The following TSPAN9 variants were observed in gnomAD, a reference collection of about 807,000 sequenced individuals.
TSPAN9 encodes the protein tetraspanin 9, also known as tetraspanin-9.
A neutral mutation model predicts 31.0 loss-of-function variants in TSPAN9; 16 were observed. The ratio of observed to expected loss-of-function variants is 0.52; its 90% CI spans 0.35 to 0.78. TSPAN9 has a LOEUF of 0.78. Ranked by LOEUF, TSPAN9 falls within the 30% of genes least tolerant of loss-of-function variation. The probability of loss-of-function intolerance (pLI) is 0.01; values close to 1 mark genes in which losing one functional copy is unlikely to be tolerated. For synonymous variants in TSPAN9, 145 were observed against 121.6 expected (o/e 1.19, Z -1.27); for missense variants, 272 against 312.5 (o/e 0.87, Z 0.98).
At chr12:3,243,548 G>T (rs545585506) in intron 3 of TSPAN9, among the ~76,000 whole-genome samples, 25 of 152,304 alleles carry the variant, frequency 1.6e-4, no homozygotes, top group African/African-American at 5.8e-4. Context: ...AGGAGATAGG[G>T]CTGTTGGCTA....
At chr12:3,188,459 C>T (rs1004859109) in intron 2 of TSPAN9, among the ~76,000 whole-genome samples, 6 of 152,072 alleles carry the variant, frequency 3.9e-5, no homozygotes, top group South Asian at 2.1e-4. Flanking sequence ...GTCAGGTACC[C>T]GGGCCTGGGT....
intron 2 of TSPAN9, among the ~76,000 whole-genome samples, chr12:3,181,803 C>T (rs1049450153): frequency 6.6e-6 from 1 of 152,164 alleles, no homozygotes; most frequent in Admixed American, 6.5e-5. Context: ...CTTCATCAGT[C>T]TTTTCTCCAG....
At chr12:3,136,239 G>C (rs2098332071) in intron 2 of TSPAN9, among the ~76,000 whole-genome samples, 1 of 152,228 alleles carries the variant, frequency 6.6e-6, no homozygotes, top group East Asian at 1.9e-4. Context: ...TCCTCTTTGA[G>C]GGGCAGCCCT....
chr12:3,223,788 C>G (rs1219691709), intron 3 of TSPAN9, among the ~76,000 whole-genome samples: 1 of 152,212 alleles, frequency 6.6e-6, no homozygotes, highest in Admixed American at 6.5e-5. Flanking sequence ...GCGGCGGCAG[C>G]TTGTTAGGAG....
At chr12:3,262,077 T>C (rs1862460366) in intron 3 of TSPAN9, among the ~76,000 whole-genome samples, 1 of 152,246 alleles carries the variant, frequency 6.6e-6, no homozygotes, top group Non-Finnish European at 1.5e-5. Context: ...ACCTTAAGGT[T>C]CTAGCTCCAA....
chr12:3,127,053 G>T (rs1384620538), intron 2 of TSPAN9, among the ~76,000 whole-genome samples: 6 of 151,980 alleles, frequency 3.9e-5, no homozygotes, highest in Non-Finnish European at 7.4e-5. Context: ...GGGACTACAG[G>T]CTTGGTAGCA....
intron 2 of TSPAN9, among the ~76,000 whole-genome samples, chr12:3,154,912 G>A (rs192146196): frequency 8.8e-4 from 134 of 152,160 alleles, no homozygotes; most frequent in African/African-American, 3.2e-3. Flanking sequence ...CTTTTCTAGC[G>A]ACTTCTCCAG....
chr12:3,198,666 C>T (rs1203325498), intron 2 of TSPAN9, among the ~76,000 whole-genome samples: 6 of 104,400 alleles, frequency 5.7e-5, no homozygotes, highest in African/African-American at 1.6e-4. Context: ...CAGCTCACCA[C>T]CAGCACAGGC....
chr12:3,117,610 G>A (rs2098323037), intron 2 of TSPAN9, among the ~76,000 whole-genome samples: 1 of 152,122 alleles, frequency 6.6e-6, no homozygotes, highest in Non-Finnish European at 1.5e-5. Context: ...CACATTCTGG[G>A]TATCTCCCAC....
At position 3,209,246 on chromosome 12, in the gene TSPAN9, A is replaced by T. The variant is rs553621143; in HGVS notation, c.63+7990A>T. ...TGAGACTCCATCTCAAAAAAAAAAA[A>T]AAATAAAAAACTAAAAATTCAGCGT... On this transcript the variant is annotated intron_variant, in intron 3 of 8. Transcript: ENST00000011898. Among the ~76,000 whole-genome samples, 925 of 152,126 alleles carry T rather than the reference A, an allele frequency of 6.1e-3. 3 individuals are homozygous for T. The highest frequency in any genetic ancestry group is 0.017 in the Middle Eastern group (5 of 294).
chr12:3,123,763 A>G lies in TSPAN9; in HGVS notation c.-18+40044A>G, dbSNP rs543477835. Among the ~76,000 whole-genome samples, 5 of 152,170 alleles carry G rather than the reference A, an allele frequency of 3.3e-5. No homozygotes were observed. The South Asian group carries it at 1.0e-3, about 32-fold the overall frequency. On this transcript the variant is annotated intron_variant, in intron 2 of 8. Transcript: ENST00000011898. ...GGAGAGGGATGGTTACTCCCATTTT[A>G]CAGATGAGTCTGAAGTCCAAGAGGC... is the stretch of plus-strand genomic sequence containing the variant.
chr12:3,163,107 A>G (rs1197034924), intron 2 of TSPAN9, among the ~76,000 whole-genome samples: 6 of 152,112 alleles, frequency 3.9e-5, no homozygotes, highest in Non-Finnish European at 8.8e-5. Flanking sequence ...TTGTTCGTGC[A>G]GCTCTCTGTG....
chr12:3,096,531 T>TTGAA (rs34418176), intron 2 of TSPAN9, among the ~76,000 whole-genome samples: 20,994 of 151,730 alleles, frequency 0.14, 1,842 homozygotes, highest in Middle Eastern at 0.2. Flanking sequence ...GAAATATTTT[T>TTGAA]TGAATGAATG....
intron 2 of TSPAN9, among the ~76,000 whole-genome samples, chr12:3,094,518 A>G (rs1300335220): frequency 6.8e-6 from 1 of 146,808 alleles, no homozygotes; most frequent in Non-Finnish European, 1.5e-5. Context: ...TAAATCAATT[A>G]TCTTGTTGTT....
At chr12:3,252,880 G>A (rs1048838995) in intron 3 of TSPAN9, among the ~76,000 whole-genome samples, 1 of 152,194 alleles carries the variant, frequency 6.6e-6, no homozygotes, top group Non-Finnish European at 1.5e-5. Flanking sequence ...GGGGGAGGGG[G>A]TGCAGAAGGT....
chr12:3,146,652 TCTC>T (rs1052911831), intron 2 of TSPAN9, among the ~76,000 whole-genome samples: 103 of 152,300 alleles, frequency 6.8e-4, no homozygotes, highest in African/African-American at 2.3e-3. Flanking sequence ...CTGCCTCCAC[TCTC>T]CTCCTCTTTC....
At chr12:3,151,742 T>A (rs558133352) in intron 2 of TSPAN9, among the ~76,000 whole-genome samples, 1 of 152,088 alleles carries the variant, frequency 6.6e-6, no homozygotes, top group Non-Finnish European at 1.5e-5. Flanking sequence ...CCTTCCTTGC[T>A]CCCTCCAGCC....
chr12:3,253,438 T>C (rs1268731654), intron 3 of TSPAN9, among the ~76,000 whole-genome samples: 1 of 152,118 alleles, frequency 6.6e-6, no homozygotes, highest in Non-Finnish European at 1.5e-5. Context: ...TTCTCATCTG[T>C]GAATGGGGGT....
intron 2 of TSPAN9, among the ~76,000 whole-genome samples, chr12:3,177,641 C>T (rs956546502): frequency 1.6e-4 from 25 of 152,304 alleles, no homozygotes; most frequent in African/African-American, 6.0e-4. Context: ...CCATGTTGGC[C>T]AAGCTGTCCT....
Sources: gnomAD v4.1 joint callset for allele counts (sites outside exome capture counted in the v4.1 genomes callset) on GRCh38, gnomAD v4.1.1 for gene constraint, MANE v1.5 for transcripts, NCBI Gene and HGNC (gene_info 2026-07-23, HGNC 2026-07-21) for gene names.